The following FGF13 variants were observed in gnomAD, a reference collection of about 807,000 sequenced individuals.
FGF13 encodes fibroblast growth factor homologous factor 2.
A neutral mutation model predicts 19.5 loss-of-function variants in FGF13; 2 were observed. The ratio of observed to expected loss-of-function variants is 0.10; its 90% CI spans 0.04 to 0.32. The LOEUF (loss-of-function observed/expected upper bound fraction) is 0.32. Ranked by LOEUF, FGF13 falls within the 10% of genes least tolerant of loss-of-function variation. FGF13 has a pLI of 1.00. For missense variants in FGF13, 113 were observed against 192.7 expected, an observed-to-expected ratio of 0.59 and a Z score of 2.45; for synonymous variants, 72 against 76.9, an observed-to-expected ratio of 0.94 and a Z score of 0.33.
At chrX:139,176,418 G>T (rs1306353395) in intron 1 of FGF13, among the ~76,000 whole-genome samples, 2 of 90,943 alleles carry the variant, frequency 2.2e-5, no homozygotes, top group Admixed American at 1.3e-4. Context: ...CTTCAGTTCT[G>T]CTCTGATCCT....
chrX:138,657,107 C>T (rs1457860956), intron 3 of FGF13, among the ~76,000 whole-genome samples: 1 of 111,335 alleles, frequency 9.0e-6, no homozygotes, highest in Admixed American at 9.6e-5. Flanking sequence ...ATGACTCCTA[C>T]ATATTATTCT....
intron 3 of FGF13, among the ~76,000 whole-genome samples, chrX:138,808,173 T>C (rs1167906094): frequency 1.6e-4 from 18 of 111,600 alleles, no homozygotes; most frequent in African/African-American, 3.3e-4. Context: ...TATTCTAAAA[T>C]TGACCACATA....
At chrX:138,775,372 G>T (rs755409237) in intron 3 of FGF13, among the ~76,000 whole-genome samples, 8 of 112,160 alleles carry the variant, frequency 7.1e-5, no homozygotes, top group Non-Finnish European at 1.1e-4. Flanking sequence ...ACAAGAAAAA[G>T]TTCATAGTTC....
At chrX:138,962,672 C>T (rs770599105) in intron 1 of FGF13, among the ~76,000 whole-genome samples, 1 of 111,909 alleles carries the variant, frequency 8.9e-6, no homozygotes, top group East Asian at 2.8e-4. Flanking sequence ...GCCATAAAAA[C>T]GGATGAGTTC....
intron 1 of FGF13, among the ~76,000 whole-genome samples, chrX:139,038,048 A>C (rs1469122640): frequency 1.8e-5 from 2 of 110,927 alleles, no homozygotes; most frequent in African/African-American, 6.6e-5. Context: ...AGAGTGAAAG[A>C]AGGGCAGGGT....
At chrX:139,043,432 C>T (rs1402544771) in intron 1 of FGF13, among the ~76,000 whole-genome samples, 1 of 110,577 alleles carries the variant, frequency 9.0e-6, no homozygotes, top group Non-Finnish European at 1.9e-5. Flanking sequence ...AGGCTGGTCT[C>T]GAGCTTCTAA....
At chrX:139,056,086 TG>T (rs1209166393) in intron 1 of FGF13, among the ~76,000 whole-genome samples, 1 of 112,551 alleles carries the variant, frequency 8.9e-6, no homozygotes, top group Non-Finnish European at 1.9e-5. Context: ...TATAAGTGTC[TG>T]GGGAATCCCC....
chrX:139,056,712 G>A (rs918755297), intron 1 of FGF13, among the ~76,000 whole-genome samples: 5 of 111,966 alleles, frequency 4.5e-5, no homozygotes, highest in Non-Finnish European at 7.5e-5. Context: ...CATGATCAGA[G>A]TATAAAACAG....
intron 1 of FGF13, among the ~76,000 whole-genome samples, chrX:138,872,973 T>G (rs1358359875): frequency 8.9e-6 from 1 of 111,928 alleles, no homozygotes; most frequent in Non-Finnish European, 1.9e-5. Context: ...TCTATCCAAT[T>G]GCTTTTTATA....
chrX:138,775,965 A>C (rs2124349931), intron 3 of FGF13, among the ~76,000 whole-genome samples: 1 of 112,472 alleles, frequency 8.9e-6, no homozygotes, highest in Non-Finnish European at 1.9e-5. Context: ...TCTACCCTGG[A>C]GGAGCACTCA....
At chrX:138,873,898 C>T (rs891743926) in intron 1 of FGF13, among the ~76,000 whole-genome samples, 1 of 104,928 alleles carries the variant, frequency 9.5e-6, no homozygotes, top group Non-Finnish European at 1.9e-5. Context: ...CAAACTATGG[C>T]AAGGACAAAA....
chrX:138,645,196 T>C (rs773423024), intron 3 of FGF13, among the ~76,000 whole-genome samples: 3 of 111,412 alleles, frequency 2.7e-5, no homozygotes, highest in African/African-American at 6.5e-5. Context: ...CAGTAATTAC[T>C]TCCCTCTGGC....
In FGF13 at chrX:138,993,132, A is replaced by G. The variant is rs1267773465; in HGVS notation, c.-112-128482T>C. Among the ~76,000 whole-genome samples, 55 of 112,157 alleles carry G rather than the reference A, an allele frequency of 4.9e-4. 2 individuals carry two copies. The highest frequency in any genetic ancestry group is 3.8e-5 in the Non-Finnish European group (2 of 53,216). On this transcript the variant is annotated intron_variant, in intron 1 of 2. Transcript: ENST00000421460. ...ATACCTCAAAAATGTCAAGGTCATG[A>G]AAGACAAGAAAAGACAGAACTGTCA...
chrX:138,743,159 T>C (rs1419188477), upstream of FGF13, among the ~76,000 whole-genome samples: 1 of 111,740 alleles, frequency 8.9e-6, no homozygotes, highest in East Asian at 2.8e-4. Context: ...CTTCAGTAGG[T>C]GAATGAATAA....
At chrX:138,633,306 C>T (rs1319708372) in intron 4 of FGF13, among the ~76,000 whole-genome samples, 4 of 111,302 alleles carry the variant, frequency 3.6e-5, no homozygotes, top group Non-Finnish European at 7.5e-5. Flanking sequence ...GGCTTCTGTG[C>T]CTTAAGCCAG....
At chrX:138,809,582 G>C (rs2090903580) in intron 3 of FGF13, among the ~76,000 whole-genome samples, 1 of 111,501 alleles carries the variant, frequency 9.0e-6, no homozygotes, top group Non-Finnish European at 1.9e-5. Flanking sequence ...CATAGTGTTT[G>C]AAGTTCTGGC....
chrX:139,202,478 C>T (rs2084422556), intron 1 of FGF13, among the ~76,000 whole-genome samples: 1 of 111,983 alleles, frequency 8.9e-6, no homozygotes, highest in Non-Finnish European at 1.9e-5. Context: ...TCCAAAGTTA[C>T]TCTTTCACTT....
In FGF13 at chrX:138,920,368, T is replaced by C. The variant is rs1305291210; in HGVS notation, c.-112-55718A>G. Among the ~76,000 whole-genome samples the C allele has an allele frequency of 3.6e-5, 4 of 111,023 alleles. No individual in the cohort carries two copies. The East Asian group carries it at 1.1e-3, about 31-fold the overall frequency. On this transcript the variant is annotated intron_variant, in intron 1 of 2. Transcript: ENST00000421460. ...GTAAGATTGATTAAAATAATGAACA[T>C]AACTCACCTGGCATATACTATGAAT...
chrX:139,075,394 C>T (rs1349228565), intron 1 of FGF13, among the ~76,000 whole-genome samples: 1 of 112,103 alleles, frequency 8.9e-6, no homozygotes, highest in Non-Finnish European at 1.9e-5. Flanking sequence ...CCAGGGAGAG[C>T]TTTCCTCATA....
Sources: allele counts gnomAD v4.1 joint callset (sites outside exome capture counted in the v4.1 genomes callset), GRCh38; gene constraint gnomAD v4.1.1; transcripts MANE v1.5; gene names NCBI Gene and HGNC (gene_info 2026-07-23, HGNC 2026-07-21).